RBPJ: variants seen among roughly 807,000 people sequenced by gnomAD.
RBPJ encodes recombination signal binding protein for immunoglobulin kappa J region, also known as recombining binding protein suppressor of hairless.
RBPJ carries 9 observed loss-of-function variants against 67.8 expected under a neutral mutation model. That is an observed-to-expected ratio of 0.13 (90% CI 0.08 to 0.23). RBPJ has a LOEUF of 0.23. Ranked by LOEUF, RBPJ falls within the 10% of genes least tolerant of loss-of-function variation. RBPJ has a pLI of 1.00. For synonymous variants in RBPJ, 198 were observed against 203.3 expected (o/e 0.97, Z 0.22); for missense variants, 305 against 595.6 (o/e 0.51, Z 5.08).
At chr4:26,287,746 G>A in intron 1 of RBPJ, among the ~76,000 whole-genome samples, 1 of 149,160 alleles carries the variant, frequency 6.7e-6, no homozygotes, top group Non-Finnish European at 1.5e-5. Flanking sequence ...GAGGGAGGAA[G>A]GCAGGAAGGC....
chr4:26,296,991 C>T (rs543339406), intron 1 of RBPJ, among the ~76,000 whole-genome samples: 5 of 152,216 alleles, frequency 3.3e-5, no homozygotes, highest in South Asian at 2.1e-4. Context: ...CCAGAAAGGT[C>T]GTGTCATGTA....
chr4:26,396,997 G>C (rs943903870), intron 2 of RBPJ, among the ~76,000 whole-genome samples: 3 of 152,156 alleles, frequency 2.0e-5, no homozygotes, highest in Admixed American at 2.0e-4. Context: ...TGGTCCTCAG[G>C]CAAACAGTAG....
At chr4:26,255,525 G>A (rs561553597) in intron 1 of RBPJ, among the ~76,000 whole-genome samples, 1 of 150,692 alleles carries the variant, frequency 6.6e-6, no homozygotes, top group Non-Finnish European at 1.5e-5. Flanking sequence ...AAATTCGGCC[G>A]GGCGTGGTGG....
chr4:26,253,307 C>CTTTTTTTTTT lies in RBPJ; in HGVS notation c.-167+89706_-167+89715dup, dbSNP rs1182769419. Among the ~76,000 whole-genome samples the CTTTTTTTTTT allele has an allele frequency of 4.4e-5, 5 of 114,400 alleles. 1 individual carries two copies. The highest frequency in any genetic ancestry group is 3.0e-4 in the South Asian group (1 of 3,334). The allele number at this position is 114,400 out of a possible 152,430, so 75.1% of individuals were successfully genotyped here. On this transcript the variant is annotated intron_variant, in intron 1 of 4. Coordinates refer to the RBPJ transcript ENST00000512351. Reference sequence around the variant, plus strand: ...TATCAGATATCTTAATCTGCTATTTCTTTTTTTTTTTTTTTTTTTTTTGAG... The same window carrying CTTTTTTTTTT: ...TATCAGATATCTTAATCTGCTATTTCTTTTTTTTTTTTTTTTTTTTTTTTTTTTTTTTGAG...
At position 26,392,260 on chromosome 4, in the gene RBPJ, G is replaced by A. The variant is rs116132434; in HGVS notation, c.59+5869G>A. Among the ~76,000 whole-genome samples the A allele has an allele frequency of 6.0e-3, 912 of 152,292 alleles. 12 individuals are homozygous for A. The highest frequency in any genetic ancestry group is 0.021 in the African/African-American group (872 of 41,558). Reference sequence around the variant, plus strand: ...TACAATAATTTTAGAAAATAATTTAGCACTTTCTTAAAATGTTAAACCTCT... The same window carrying A: ...TACAATAATTTTAGAAAATAATTTAACACTTTCTTAAAATGTTAAACCTCT... On this transcript the variant is annotated intron_variant, in intron 2 of 10. Transcript: ENST00000355476.
upstream of RBPJ, among the ~76,000 whole-genome samples, chr4:26,158,945 TTCTCTCTCTCTCTC>T (rs5856933): frequency 1.8e-4 from 24 of 136,846 alleles, no homozygotes; most frequent in East Asian, 4.4e-4. Context: ...CTCTCTCTCT[TTCTCTCTCTCTCTC>T]TCTCTCTCTC....
At chr4:26,188,339 G>A (rs748605743) in intron 1 of RBPJ, among the ~76,000 whole-genome samples, 27 of 152,094 alleles carry the variant, frequency 1.8e-4, no homozygotes, top group Non-Finnish European at 2.6e-4. Context: ...AGGATCTATC[G>A]CTTTGGTTAG....
At chr4:26,225,357 G>A (rs140473914) in intron 1 of RBPJ, among the ~76,000 whole-genome samples, 29 of 152,284 alleles carry the variant, frequency 1.9e-4, no homozygotes, top group African/African-American at 6.3e-4. Context: ...AAGCTAGCCC[G>A]AAAAGGCTAC....
chr4:26,139,117 C>G, the RBPJ span, among the ~76,000 whole-genome samples: 3 of 150,556 alleles, frequency 2.0e-5, no homozygotes, highest in Admixed American at 2.0e-4. Context: ...CAGCCCTGCC[C>G]AAGGCATAAG....
At chr4:26,219,772 G>T (rs369765605) in intron 1 of RBPJ, among the ~76,000 whole-genome samples, 2,249 of 151,904 alleles carry the variant, frequency 0.015, 53 homozygotes, top group African/African-American at 0.051. Flanking sequence ...GGTTTTTTTT[G>T]TTGTTGTTGT....
chr4:26,272,024 A>T (rs1455240740), intron 1 of RBPJ, among the ~76,000 whole-genome samples: 1 of 152,196 alleles, frequency 6.6e-6, no homozygotes, highest in East Asian at 1.9e-4. Flanking sequence ...GTCTCTTAAA[A>T]ATGTCTCCTG....
intron 1 of RBPJ, among the ~76,000 whole-genome samples, chr4:26,385,294 T>C (rs1730798172): frequency 6.6e-6 from 1 of 151,846 alleles, no homozygotes. Context: ...GTACTGGGAT[T>C]ACAGGTGTGA....
rs75843345 is a variant in RBPJ, at chr4:26,287,388, A to T, written c.-166-75058A>T. Among the ~76,000 whole-genome samples, 591 of 151,558 alleles carry T rather than the reference A, an allele frequency of 3.9e-3. 5 individuals are homozygous for T. Among genetic ancestry groups the T allele is most frequent in the African/African-American group, 0.014 (575 of 41,264 alleles). ...GACCCCATCTCTAGCAAAAAAAGTA[A>T]AAAATATAATAACAATTAGCCAGAC... is the stretch of plus-strand genomic sequence containing the variant. On this transcript the variant is annotated intron_variant, in intron 1 of 4. Transcript: ENST00000512351.
At chr4:26,428,677 T>G in intron 7 of RBPJ, 43 bp from the exon 8 acceptor site, 1 of 1,518,966 alleles carries the variant, frequency 6.6e-7, no homozygotes, top group Non-Finnish European at 9.1e-7. Flanking sequence ...GAAAATCCTT[T>G]CCATGTGTGG....
intron 1 of RBPJ, among the ~76,000 whole-genome samples, chr4:26,199,083 A>G (rs10517092): frequency 0.16 from 24,769 of 152,170 alleles, 2,265 homozygotes; most frequent in Middle Eastern, 0.26. Context: ...CCTCATTCCT[A>G]TAAAATTCCT....
chr4:26,134,882 G>T, the RBPJ span, among the ~76,000 whole-genome samples: 1 of 152,164 alleles, frequency 6.6e-6, no homozygotes, highest in Admixed American at 6.5e-5. Context: ...TCTCAAGATC[G>T]TCAAGTCTCC....
the RBPJ span, among the ~76,000 whole-genome samples, chr4:26,107,589 A>G: frequency 1.3e-5 from 2 of 152,226 alleles, no homozygotes; most frequent in African/African-American, 2.4e-5. Flanking sequence ...CCCTTGGCCA[A>G]CGTGGCCCTC....
chr4:26,321,004 G>T (rs573690259), upstream of RBPJ: 9 of 1,613,790 alleles, frequency 5.6e-6, no homozygotes, highest in South Asian at 9.9e-5. Flanking sequence ...GCGAGGGTTG[G>T]AGTTTTGGCG....
At chr4:26,340,116 A>T (rs922226008) in intron 1 of RBPJ, among the ~76,000 whole-genome samples, 3 of 152,264 alleles carry the variant, frequency 2.0e-5, no homozygotes, top group South Asian at 4.1e-4. Context: ...ACAAAATTTT[A>T]AAAGTAATTA....
Sources: allele counts gnomAD v4.1 joint callset (sites outside exome capture counted in the v4.1 genomes callset), GRCh38; gene constraint gnomAD v4.1.1; transcripts MANE v1.5; gene names NCBI Gene and HGNC (gene_info 2026-07-23, HGNC 2026-07-21).